Variants in MYRIP observed in about 807,000 individuals in gnomAD.
MYRIP encodes the protein myosin VIIA and Rab interacting protein, also known as rab effector MyRIP.
A neutral mutation model predicts 98.0 loss-of-function variants in MYRIP; 49 were observed. That is an observed-to-expected ratio of 0.50 (90% CI 0.40 to 0.63). MYRIP has a LOEUF of 0.63. Ranked by LOEUF, MYRIP falls within the 30% of genes least tolerant of loss-of-function variation. The pLI is 0.00. For synonymous variants in MYRIP, 404 were observed against 409.5 expected (o/e 0.99, Z 0.16); for missense variants, 1,004 against 1,058.2 (o/e 0.95, Z 0.71).
chr3:39,868,263 T>G (rs1308226877), intron 1 of MYRIP, among the ~76,000 whole-genome samples: 2 of 152,222 alleles, frequency 1.3e-5, no homozygotes, highest in Non-Finnish European at 2.9e-5. Flanking sequence ...GTTCTTGTGC[T>G]AGGAGCCTTC....
At chr3:39,974,365 T>G (rs552057818) in intron 2 of MYRIP, among the ~76,000 whole-genome samples, 1 of 152,160 alleles carries the variant, frequency 6.6e-6, no homozygotes, top group South Asian at 2.1e-4. Flanking sequence ...AAGTCGAATC[T>G]CTGAATAGAC....
At chr3:40,162,660 A>G (rs2125590084) in intron 4 of MYRIP, 70 bp from the exon 5 acceptor site, 1 of 1,339,588 alleles carries the variant, frequency 7.5e-7, no homozygotes, top group Non-Finnish European at 1.1e-6. Context: ...TCAGTGACAC[A>G]GTGCATCAGG....
intron 11 of MYRIP, among the ~76,000 whole-genome samples, chr3:40,221,460 T>C (rs944514780): frequency 6.6e-6 from 1 of 151,996 alleles, no homozygotes; most frequent in African/African-American, 2.4e-5. Flanking sequence ...GCAAGACCCC[T>C]CTCTACAAAA....
intron 2 of MYRIP, among the ~76,000 whole-genome samples, chr3:39,908,434 C>A (rs898047163): frequency 2.3e-4 from 35 of 152,174 alleles, no homozygotes; most frequent in African/African-American, 7.0e-4. Context: ...CTTCCACCCC[C>A]CCCATTGCTC....
chr3:40,181,365 C>T (rs1950879485), intron 8 of MYRIP, among the ~76,000 whole-genome samples: 1 of 152,176 alleles, frequency 6.6e-6, no homozygotes, highest in Non-Finnish European at 1.5e-5. Flanking sequence ...AATGAGCACA[C>T]TTTGCACTGG....
chr3:40,245,386 A>C (rs1457144745), intron 13 of MYRIP, among the ~76,000 whole-genome samples: 1 of 151,690 alleles, frequency 6.6e-6, no homozygotes, highest in Non-Finnish European at 1.5e-5. Flanking sequence ...ATAGTGGCTC[A>C]CGCCTGTAAT....
Position 40,260,317 on chromosome 3 carries a change from A to G in MYRIP, c.*2151A>G, listed in dbSNP as rs1055495092. The G allele has an allele frequency of 6.6e-6, 1 of 152,246 alleles. No homozygotes were observed. Among genetic ancestry groups the G allele is most frequent in the Non-Finnish European group, 1.5e-5 (1 of 68,046 alleles). 9.4% of individuals were successfully genotyped at this position (152,246 alleles called of 1,614,324 possible). On this transcript the variant is annotated 3_prime_UTR_variant, in exon 17 of 17. Transcript: ENST00000302541. ...TGATAAGTAAAAGTCATTTATGAAA[A>G]TAAAGATTGTGTGTGTGCAATTTTT...
intron 3 of MYRIP, among the ~76,000 whole-genome samples, chr3:40,050,068 A>G (rs1947758069): frequency 6.6e-6 from 1 of 152,220 alleles, no homozygotes; most frequent in African/African-American, 2.4e-5. Flanking sequence ...TGCAAGGTGA[A>G]GCAGCAAGTG....
chr3:39,897,381 A>G (rs1163979498), intron 1 of MYRIP, among the ~76,000 whole-genome samples: 1 of 152,238 alleles, frequency 6.6e-6, no homozygotes, highest in Non-Finnish European at 1.5e-5. Context: ...TGTGGGAACA[A>G]TAACCTGAGA....
In MYRIP at chr3:39,874,059, C is replaced by T. The variant is rs1942896562; in HGVS notation, c.-30-26728C>T. On this transcript the variant is annotated intron_variant, in intron 1 of 16. Transcript: ENST00000302541. ...CTCCTTGAAGAGGTCCTTCACATCCCTTGTAAGTTGGATTCCTAGGTATTT... is the reference window on the plus strand; with the variant it reads ...CTCCTTGAAGAGGTCCTTCACATCCTTTGTAAGTTGGATTCCTAGGTATTT... Among the ~76,000 whole-genome samples the T allele has an allele frequency of 2.7e-5, 4 of 150,736 alleles. No individual in the cohort carries two copies. The South Asian group carries it at 8.4e-4, about 32-fold the overall frequency.
At chr3:39,836,142 G>T (rs953096430) in intron 1 of MYRIP, among the ~76,000 whole-genome samples, 1 of 152,068 alleles carries the variant, frequency 6.6e-6, no homozygotes, top group South Asian at 2.1e-4. Flanking sequence ...TTGTATTTCT[G>T]GTTCTAGATC....
chr3:39,979,655 C>CAAAAAAAAAAAAAAAAAAAAAAAAA (rs56328162), intron 2 of MYRIP, among the ~76,000 whole-genome samples: 1 of 131,136 alleles, frequency 7.6e-6, no homozygotes. Context: ...CAAAACAAAA[C>CAAAAAAAAAAAAAAAAAAAAAAAAA]AAAAAAAAAA....
intron 2 of MYRIP, among the ~76,000 whole-genome samples, chr3:39,996,711 T>C (rs1433570279): frequency 2.6e-5 from 4 of 152,024 alleles, no homozygotes; most frequent in Non-Finnish European, 5.9e-5. Flanking sequence ...ACTCTCCACC[T>C]CAAATCAATA....
In MYRIP at chr3:39,814,371, T is replaced by C. The variant is rs768001465; in HGVS notation, c.-31+4455T>C. Among the ~76,000 whole-genome samples the C allele has an allele frequency of 8.5e-4, 129 of 152,318 alleles. No homozygotes were observed. The Middle Eastern group carries it at 0.014, about 16-fold the overall frequency. On this transcript the variant is annotated intron_variant, in intron 1 of 16. Transcript: ENST00000302541. ...TCCCTTAGAGATTATCTTTTTAATATATAGTTTTAATATAGTTTTTCAATT... is the reference window on the plus strand; with the variant it reads ...TCCCTTAGAGATTATCTTTTTAATACATAGTTTTAATATAGTTTTTCAATT...
chr3:39,916,009 G>A (rs2125685387), intron 2 of MYRIP, among the ~76,000 whole-genome samples: 1 of 151,992 alleles, frequency 6.6e-6, no homozygotes, highest in South Asian at 2.1e-4. Flanking sequence ...CCAGAAAAAA[G>A]ACACTTGCTA....
At chr3:39,925,271 T>C (rs1033608933) in intron 2 of MYRIP, among the ~76,000 whole-genome samples, 2 of 152,120 alleles carry the variant, frequency 1.3e-5, no homozygotes, top group Non-Finnish European at 2.9e-5. Context: ...ACAATATCAA[T>C]ATAGACTTTG....
At chr3:40,005,664 A>G (rs1222002942) in intron 2 of MYRIP, among the ~76,000 whole-genome samples, 2 of 152,238 alleles carry the variant, frequency 1.3e-5, no homozygotes, top group Non-Finnish European at 2.9e-5. Context: ...GTTGCTTCTC[A>G]TGGATAACAG....
At chr3:39,972,400 A>AT (rs1945609395) in intron 2 of MYRIP, among the ~76,000 whole-genome samples, 1 of 152,104 alleles carries the variant, frequency 6.6e-6, no homozygotes, top group Non-Finnish European at 1.5e-5. Flanking sequence ...ATAGCACCAT[A>AT]TAAGCAGAGG....
At chr3:40,182,825 G>T (rs6808278) in intron 9 of MYRIP, among the ~76,000 whole-genome samples, 10,523 of 152,248 alleles carry the variant, frequency 0.069, 1,167 homozygotes, top group African/African-American at 0.24. Flanking sequence ...GGTCCTTAGG[G>T]CTGGTTTTAA....
Sources: allele counts gnomAD v4.1 joint callset (sites outside exome capture counted in the v4.1 genomes callset), GRCh38; gene constraint gnomAD v4.1.1; transcripts MANE v1.5; gene names NCBI Gene and HGNC (gene_info 2026-07-23, HGNC 2026-07-21).